DCHS2: variants seen among roughly 807,000 people sequenced by gnomAD.
The protein encoded by DCHS2 is dachsous cadherin-related 2.
In DCHS2, 142 loss-of-function variants were observed where a neutral mutation model predicts 182.4. That is an observed-to-expected ratio of 0.78 (90% confidence interval 0.68 to 0.89). The LOEUF (loss-of-function observed/expected upper bound fraction) is 0.89, where lower values mean the gene tolerates loss of function less well. Ranked by LOEUF, DCHS2 falls within the 40% of genes least tolerant of loss-of-function variation. The pLI is 0.00. For synonymous variants in DCHS2, 1,740 were observed against 1,663.3 expected (o/e 1.05, Z -1.12); for missense variants, 4,319 against 4,198.6 (o/e 1.03, Z -0.79).
chr4:154,481,610 T>G (rs1281538610), intron 1 of DCHS2, among the ~76,000 whole-genome samples: 1 of 152,178 alleles, frequency 6.6e-6, no homozygotes. Context: ...CACACTCAAG[T>G]GAAATTACAT....
chr4:154,316,123 T>G, intron 9 of DCHS2, 136 bp from the exon 10 acceptor site: 1 of 1,387,802 alleles, frequency 7.2e-7, no homozygotes, highest in Non-Finnish European at 9.5e-7. Context: ...CTGCATTAAA[T>G]CATCTTTAAA....
chr4:154,338,394 T>C (rs1728912334), intron 3 of DCHS2, among the ~76,000 whole-genome samples: 1 of 152,168 alleles, frequency 6.6e-6, no homozygotes, highest in Non-Finnish European at 1.5e-5. Context: ...AACAATAAAA[T>C]GTTGATAAAT....
In DCHS2 at chr4:154,332,839, C is replaced by A; in HGVS notation, c.3369G>T (p.Ser1123=). The A allele has an allele frequency of 1.1e-5, 17 of 1,614,212 alleles. No homozygotes were observed. Among genetic ancestry groups the A allele is most frequent in the Non-Finnish European group, 1.4e-5 (17 of 1,180,032 alleles). The change falls in exon 5 of 20, where the codon TCG becomes TCT. Residue 1123 remains serine, a synonymous_variant. Coordinates refer to ENST00000357232, the MANE Select transcript of DCHS2 (RefSeq NM_001358235.2). ...TAGCAGAGTCTACGCTGGGTTCCAG[C>A]GAGTACCTAAGAGGCGAGGCTGCAC... ...PQRAASPLRY[S]LEPSVDSAMF... is the part of the protein sequence containing the mutation.
At chr4:154,324,326 T>G (rs1156593460) in intron 7 of DCHS2, among the ~76,000 whole-genome samples, 1 of 152,200 alleles carries the variant, frequency 6.6e-6, no homozygotes, top group Non-Finnish European at 1.5e-5. Flanking sequence ...GTAACTGGTA[T>G]GACAAAATGG....
intron 16 of DCHS2, among the ~76,000 whole-genome samples, chr4:154,246,567 C>T (rs989133762): frequency 6.6e-6 from 1 of 150,474 alleles, no homozygotes; most frequent in East Asian, 1.9e-4. Context: ...TCAATATAGA[C>T]AAATAAAAAA....
chr4:154,373,970 T>C (rs1730765669), intron 2 of DCHS2: 1 of 1,560,058 alleles, frequency 6.4e-7, no homozygotes, highest in Admixed American at 1.8e-5. Flanking sequence ...AAACAATGAA[T>C]TGATCCTTTT....
In DCHS2 at chr4:154,236,928, T is replaced by C. The variant is rs1389150080; in HGVS notation, c.7724A>G (p.Asp2575Gly). 1.9e-6 allele frequency: 3 copies of C among 1,614,096 alleles called. No individual in the cohort carries two copies. The East Asian group carries it at 6.7e-5, about 36-fold the overall frequency. Reference sequence around the variant, plus strand: ...TGTGTTTTCACGGGTCCAGTCATGGTCGATGTTTGAAAATGTAACAAGCGT... The same window carrying C: ...TGTGTTTTCACGGGTCCAGTCATGGCCGATGTTTGAAAATGTAACAAGCGT... ...GSTLVTFSNIDHDWTRENTYV... is the reference protein window; with the variant it reads ...GSTLVTFSNIGHDWTRENTYV... Residue 2575 changes from aspartate to glycine, a missense_variant, in exon 20 of 20, where the codon GAC becomes GGC. Asp to Gly is a moderately conservative substitution (Grantham distance 94, BLOSUM62 -1). Transcript: ENST00000357232.
At chr4:154,387,560 A>T (rs1256360760) in intron 1 of DCHS2, among the ~76,000 whole-genome samples, 1 of 152,184 alleles carries the variant, frequency 6.6e-6, no homozygotes, top group African/African-American at 2.4e-5. Flanking sequence ...GTTAAATGTA[A>T]ATAATGAAAT....
intron 4 of DCHS2, chr4:154,334,606 G>C (rs1228918598): frequency 2.6e-6 from 1 of 381,014 alleles, no homozygotes; most frequent in African/African-American, 2.0e-5. Flanking sequence ...GGTTATAGGA[G>C]ACATATATTT....
chr4:154,438,816 A>G (rs9884132), intron 1 of DCHS2, among the ~76,000 whole-genome samples: 69,866 of 152,046 alleles, frequency 0.46, 16,561 homozygotes, highest in Middle Eastern at 0.68. Flanking sequence ...ACATGAATAC[A>G]AAGTCATTAC....
chr4:154,240,626 C>T lies in DCHS2; in HGVS notation c.7270G>A (p.Asp2424Asn). The T allele has an allele frequency of 1.2e-6, 2 of 1,613,904 alleles. No individual in the cohort carries two copies. Among genetic ancestry groups the T allele is most frequent in the Non-Finnish European group, 1.7e-6 (2 of 1,179,906 alleles). ...TEYELLIQIS[D>N]SVHYTEGALV... ...GCTCCCTCTGTGTAGTGCACTGAAT[C>T]AGAAATTTGGATGAGCAGCTCATAT... The change falls in exon 18 of 20, where the codon GAT becomes AAT. Residue 2424 changes from aspartate to asparagine, a missense_variant. Coordinates refer to ENST00000357232, the MANE Select transcript of DCHS2 (RefSeq NM_001358235.2).
chr4:154,354,449 A>G (rs142906746), intron 3 of DCHS2, among the ~76,000 whole-genome samples: 1 of 152,348 alleles, frequency 6.6e-6, no homozygotes, highest in African/African-American at 2.4e-5. Context: ...TCATCCTTTC[A>G]TTAATAAATC....
chr4:154,309,358 G>A (rs1401894042), intron 10 of DCHS2, among the ~76,000 whole-genome samples: 1 of 152,164 alleles, frequency 6.6e-6, no homozygotes, highest in Non-Finnish European at 1.5e-5. Flanking sequence ...CAGAAGGACA[G>A]AAAATGGGAC....
Position 154,490,775 on chromosome 4 carries a change from G to A in DCHS2, c.581C>T (p.Pro194Leu), listed in dbSNP as rs1165772481. The A allele has an allele frequency of 6.4e-7, 1 of 1,551,498 alleles. No individual in the cohort carries two copies. Among genetic ancestry groups the A allele is most frequent in the African/African-American group, 1.4e-5 (1 of 73,062 alleles). ...TAFRLPVAHD[P>L]DAGLFSTQGY... Reference sequence around the variant, plus strand: ...CTGAGTGCTGAACAGTCCGGCGTCCGGATCGTGGGCAACTGGCAGGCGGAA... The same window carrying A: ...CTGAGTGCTGAACAGTCCGGCGTCCAGATCGTGGGCAACTGGCAGGCGGAA... The change falls in exon 1 of 20, where the codon CCG becomes CTG. Residue 194 changes from proline (P) to leucine (L), a missense_variant. Transcript: ENST00000357232.
At chr4:154,403,556 TG>T (rs1732278995) in intron 1 of DCHS2, among the ~76,000 whole-genome samples, 2 of 152,186 alleles carry the variant, frequency 1.3e-5, no homozygotes, top group Admixed American at 1.3e-4. Context: ...AATATTTTAC[TG>T]AGGATTTTTA....
chr4:154,452,836 C>A (rs572745435), intron 1 of DCHS2, among the ~76,000 whole-genome samples: 246 of 152,224 alleles, frequency 1.6e-3, no homozygotes, highest in Non-Finnish European at 2.8e-3. Flanking sequence ...TATGATAGAA[C>A]CAGGCAGCTG....
intron 1 of DCHS2, among the ~76,000 whole-genome samples, chr4:154,448,846 AG>A (rs1178236390): frequency 6.6e-6 from 1 of 152,186 alleles, no homozygotes; most frequent in Non-Finnish European, 1.5e-5. Flanking sequence ...TTCCTCAGGC[AG>A]GACATGCCTG....
chr4:154,402,405 A>T (rs1732227828), intron 1 of DCHS2, among the ~76,000 whole-genome samples: 1 of 152,234 alleles, frequency 6.6e-6, no homozygotes, highest in Non-Finnish European at 1.5e-5. Flanking sequence ...AACTTTTATA[A>T]AATGAGCTTG....
chr4:154,270,369 C>A (rs17031328), intron 13 of DCHS2, among the ~76,000 whole-genome samples: 5,327 of 151,838 alleles, frequency 0.035, 299 homozygotes, highest in African/African-American at 0.12. Context: ...AAGCACCAGA[C>A]TTTAGAGAGG....
Sources: gnomAD v4.1 joint callset for allele counts (sites outside exome capture counted in the v4.1 genomes callset) on GRCh38, gnomAD v4.1.1 for gene constraint, MANE v1.5 for transcripts, NCBI Gene and HGNC (gene_info 2026-07-23, HGNC 2026-07-21) for gene names.